The following SRD5A2 variants were observed in gnomAD, a reference collection of about 807,000 sequenced individuals.
SRD5A2 encodes steroid 5 alpha-reductase 2.
In SRD5A2, 30 loss-of-function variants were observed where a neutral mutation model predicts 27.4. The observed-to-expected ratio is 1.10, with a 90% CI of 0.82 to 1.49. The LOEUF (loss-of-function observed/expected upper bound fraction) is 1.49. Among genes scored for constraint, SRD5A2 ranks in the 40% most tolerant of loss-of-function variants. SRD5A2 has a pLI of 0.00. For missense variants in SRD5A2, 348 were observed against 323.4 expected, an observed-to-expected ratio of 1.08 and a Z score of -0.58; for synonymous variants, 141 against 133.6, an observed-to-expected ratio of 1.06 and a Z score of -0.38.
rs190123937 is a variant in SRD5A2, at chr2:31,565,117, T to G, written c.281+15503A>C. Among the ~76,000 whole-genome samples, 255 of 152,040 alleles carry G rather than the reference T, an allele frequency of 1.7e-3. 1 individual carries two copies. The highest frequency in any genetic ancestry group is 5.4e-3 in the African/African-American group (226 of 41,538). On this transcript the variant is annotated intron_variant, in intron 1 of 4. Transcript: ENST00000622030. ...ATTATTTCAGATTTTTATACCATAC[T>G]TGAAGTGGTATAATATCACCTTAAG...
At chr2:31,624,159 G>A in the SRD5A2 span, among the ~76,000 whole-genome samples, 1 of 151,774 alleles carries the variant, frequency 6.6e-6, no homozygotes, top group Non-Finnish European at 1.5e-5. Context: ...CTTTGATACA[G>A]GCATGGAATG....
chr2:31,531,561 G>GGGGCATTTAATTCCAAAAAGTGAAGGGAA, intron 2 of SRD5A2, 89 bp from the exon 3 acceptor site: 1 of 820,852 alleles, frequency 1.2e-6, no homozygotes, highest in Non-Finnish European at 1.9e-6. Flanking sequence ...AATGAAAGGA[G>GGGGCATTTAATTCCAAAAAGTGAAGGGAA]GGGCATTTAA....
intron 3 of SRD5A2, among the ~76,000 whole-genome samples, chr2:31,530,333 G>A (rs1358208507): frequency 3.3e-5 from 5 of 152,156 alleles, no homozygotes; most frequent in Non-Finnish European, 7.3e-5. Context: ...GTTATGGAGT[G>A]AATGTTTTTA....
the SRD5A2 span, among the ~76,000 whole-genome samples, chr2:31,586,875 G>T: frequency 8.5e-5 from 13 of 152,148 alleles, 1 homozygote; most frequent in Admixed American, 8.5e-4. Context: ...TTCACCAAAT[G>T]AACTAAGTAA....
intron 1 of SRD5A2, among the ~76,000 whole-genome samples, chr2:31,579,311 CCTT>C (rs1422850323): frequency 6.6e-6 from 1 of 152,196 alleles, no homozygotes; most frequent in African/African-American, 2.4e-5. Flanking sequence ...GTCTCTGACA[CCTT>C]CTTCTCTCGA....
the SRD5A2 span, among the ~76,000 whole-genome samples, chr2:31,614,557 G>A: frequency 6.6e-6 from 1 of 152,184 alleles, no homozygotes; most frequent in Non-Finnish European, 1.5e-5. Context: ...GGGTCCGTAG[G>A]ACAGTGGCCT....
At chr2:31,574,538 T>C (rs1274746015) in intron 1 of SRD5A2, among the ~76,000 whole-genome samples, 1 of 152,220 alleles carries the variant, frequency 6.6e-6, no homozygotes, top group East Asian at 1.9e-4. Context: ...CTGGTTTATA[T>C]TTTTGGCAAA....
the SRD5A2 span, among the ~76,000 whole-genome samples, chr2:31,596,606 A>G: frequency 2.0e-5 from 3 of 152,140 alleles, no homozygotes; most frequent in Non-Finnish European, 2.9e-5. Flanking sequence ...AGACTCATCC[A>G]AAAAGCTCCT....
In SRD5A2 at chr2:31,533,495, A is replaced by C. The variant is rs148842235; in HGVS notation, c.445+108T>G. The C allele has an allele frequency of 8.0e-6, 8 of 994,258 alleles. No homozygotes were observed. The African/African-American group carries it at 1.1e-4, about 14-fold the overall frequency. 61.6% of individuals were successfully genotyped at this position (994,258 alleles called of 1,614,324 possible). ...ATCAGGGTAGAGGTGAGGGAGGGGA[A>C]GATGGGATCATTACGAGGTCATTGC... On this transcript the variant is annotated intron_variant, in intron 2 of 4. Transcript: ENST00000622030.
the SRD5A2 span, among the ~76,000 whole-genome samples, chr2:31,645,823 T>A: frequency 6.6e-6 from 1 of 152,160 alleles, no homozygotes. Flanking sequence ...GATTGATGTG[T>A]TTAGGTGTGT....
intron 1 of SRD5A2, among the ~76,000 whole-genome samples, chr2:31,547,105 T>C (rs1325991837): frequency 1.3e-5 from 2 of 151,298 alleles, no homozygotes; most frequent in Admixed American, 6.6e-5. Context: ...TCTCAAAAAA[T>C]AAAATAAAAT....
At chr2:31,580,994 G>A (rs1667072267), upstream of SRD5A2, 5 of 1,361,836 alleles carry the variant, frequency 3.7e-6, no homozygotes, top group African/African-American at 1.5e-5. Context: ...ACCCGTGTCC[G>A]CCCCCTCGGC....
At chr2:31,637,972 G>A in the SRD5A2 span, among the ~76,000 whole-genome samples, 1 of 151,558 alleles carries the variant, frequency 6.6e-6, no homozygotes. Flanking sequence ...TACTAATTTG[G>A]GGTTTGGCTT....
the SRD5A2 span, among the ~76,000 whole-genome samples, chr2:31,588,680 T>C: frequency 1.3e-5 from 2 of 152,210 alleles, no homozygotes; most frequent in South Asian, 4.1e-4. Context: ...TAATCACTTA[T>C]TAAGTAATAA....
chr2:31,553,752 A>C (rs1216838884), intron 1 of SRD5A2, among the ~76,000 whole-genome samples: 1 of 152,202 alleles, frequency 6.6e-6, no homozygotes, highest in Non-Finnish European at 1.5e-5. Flanking sequence ...CATAGTAAGC[A>C]ATATATAAAT....
chr2:31,588,468 T>A, the SRD5A2 span, among the ~76,000 whole-genome samples: 1,561 of 152,320 alleles, frequency 0.01, 21 homozygotes, highest in South Asian at 0.044. Context: ...AGAGAATGGC[T>A]TGATATATTT....
the SRD5A2 span, among the ~76,000 whole-genome samples, chr2:31,607,596 TAAGAGGATTCATAGTTACACTCAATA>T: frequency 3.3e-5 from 5 of 151,832 alleles, no homozygotes; most frequent in South Asian, 1.0e-3. Flanking sequence ...AAACAAAATA[TAAGAGGATTCATAGTTACACTCAATA>T]AATGTTAAAG....
chr2:31,590,279 C>CGTG, the SRD5A2 span, among the ~76,000 whole-genome samples: 2 of 152,058 alleles, frequency 1.3e-5, no homozygotes, highest in Non-Finnish European at 2.9e-5. Flanking sequence ...TAATCCTGGC[C>CGTG]AACACAGGGC....
chr2:31,601,744 G>GGTGA, the SRD5A2 span, among the ~76,000 whole-genome samples: 1 of 151,968 alleles, frequency 6.6e-6, no homozygotes, highest in African/African-American at 2.4e-5. Flanking sequence ...CCAGTTGCAA[G>GGTGA]GTGAGTTCAA....
Sources: gnomAD v4.1 joint callset for allele counts (sites outside exome capture counted in the v4.1 genomes callset) on GRCh38, gnomAD v4.1.1 for gene constraint, MANE v1.5 for transcripts, NCBI Gene and HGNC (gene_info 2026-07-23, HGNC 2026-07-21) for gene names.